Variants in GALNT17 observed in about 807,000 individuals in gnomAD.
GALNT17 encodes polypeptide N-acetylgalactosaminyltransferase 17.
In GALNT17, 29 loss-of-function variants were observed where a neutral mutation model predicts 63.7. The observed-to-expected ratio is 0.46, with a 90% CI of 0.34 to 0.62. The LOEUF (loss-of-function observed/expected upper bound fraction) is 0.62, where lower values mean the gene tolerates loss of function less well. Ranked by LOEUF, GALNT17 falls within the 20% of genes least tolerant of loss-of-function variation. The pLI, the probability that GALNT17 is intolerant of heterozygous loss-of-function variation, is 0.01. For missense variants in GALNT17, 603 were observed against 799.6 expected (o/e 0.75, Z 2.97); for synonymous variants, 305 against 318.3 (o/e 0.96, Z 0.45).
chr7:71,411,093 G>A (rs1000208922), intron 3 of GALNT17, among the ~76,000 whole-genome samples: 4 of 152,112 alleles, frequency 2.6e-5, no homozygotes, highest in African/African-American at 9.7e-5. Context: ...TGTTAAGGAT[G>A]ATAAAGGATC....
chr7:71,482,506 T>C (rs1265224503), intron 5 of GALNT17, among the ~76,000 whole-genome samples: 1 of 152,086 alleles, frequency 6.6e-6, no homozygotes, highest in Non-Finnish European at 1.5e-5. Context: ...GAGCAAACAT[T>C]ATAGAGTGCA....
intron 2 of GALNT17, among the ~76,000 whole-genome samples, chr7:71,366,121 T>C (rs994784928): frequency 3.9e-5 from 6 of 152,068 alleles, no homozygotes; most frequent in African/African-American, 1.4e-4. Context: ...AGGAGGCAGA[T>C]CTCAGGTGGT....
intron 5 of GALNT17, among the ~76,000 whole-genome samples, chr7:71,503,193 A>G (rs551891824): frequency 6.7e-6 from 1 of 149,452 alleles, no homozygotes; most frequent in South Asian, 2.1e-4. Flanking sequence ...TCCCTAGGCA[A>G]TTCCCTACAC....
rs559457751 is a variant in GALNT17, at chr7:71,246,185, G to A, written c.239-89365G>A. Among the ~76,000 whole-genome samples the A allele has an allele frequency of 5.0e-5, 7 of 140,290 alleles. No individual in the cohort carries two copies. The South Asian group carries it at 1.2e-3, about 23-fold the overall frequency. 92.0% of individuals were successfully genotyped at this position (140,290 alleles called of 152,430 possible). A position where few individuals can be genotyped will look rare whatever the true frequency, so the allele number is the denominator to read the frequency against. On this transcript the variant is annotated intron_variant, in intron 1 of 10. Transcript: ENST00000333538. ...CACTTAGGCTGGAGTGCAATGGCGC[G>A]ATCTCTGCTCACTGCAACCTCCACC...
intron 5 of GALNT17, among the ~76,000 whole-genome samples, chr7:71,423,092 G>C (rs1382853285): frequency 6.6e-5 from 10 of 152,180 alleles, no homozygotes. Context: ...TTGTGTCTGT[G>C]CCCACTGTGG....
At chr7:71,586,481 TA>T (rs1225519429) in intron 6 of GALNT17, among the ~76,000 whole-genome samples, 1 of 152,254 alleles carries the variant, frequency 6.6e-6, no homozygotes, top group Non-Finnish European at 1.5e-5. Flanking sequence ...AGCATTCATA[TA>T]AAAGTCTTTT....
chr7:71,251,512 C>T (rs1790197231), intron 1 of GALNT17, among the ~76,000 whole-genome samples: 1 of 152,046 alleles, frequency 6.6e-6, no homozygotes, highest in African/African-American at 2.4e-5. Flanking sequence ...TGGGTTCAAG[C>T]AGTCTTCCCA....
At chr7:71,351,389 A>G (rs1563025003) in intron 2 of GALNT17, among the ~76,000 whole-genome samples, 1 of 152,082 alleles carries the variant, frequency 6.6e-6, no homozygotes, top group Non-Finnish European at 1.5e-5. Flanking sequence ...TGGGTTGATA[A>G]TATACCCCCA....
intron 1 of GALNT17, among the ~76,000 whole-genome samples, chr7:71,242,286 T>TC (rs71089928): frequency 0.27 from 35,289 of 130,710 alleles, 5,616 homozygotes; most frequent in South Asian, 0.56. Context: ...TTTTTTTTTT[T>TC]TGAGACAGAG....
intron 1 of GALNT17, 111 bp downstream of exon 1, chr7:71,133,151 G>A (rs1787718378): frequency 1.1e-6 from 1 of 902,292 alleles, no homozygotes; most frequent in Non-Finnish European, 1.6e-6. Context: ...GCACACCCTG[G>A]CTCCCGCGCG....
At position 71,165,007 on chromosome 7, in the gene GALNT17, G is replaced by A. The variant is rs1263006015; in HGVS notation, c.238+31967G>A. On this transcript the variant is annotated intron_variant, in intron 1 of 10. Transcript: ENST00000333538. The stretch of plus-strand genomic sequence containing the variant: ...AAATCAATAAAATTAACTGGAATTT[G>A]ATTTCACATTTTGAATGCATTACAT... Among the ~76,000 whole-genome samples, 6 of 152,292 alleles carry A rather than the reference G, an allele frequency of 3.9e-5. No individual in the cohort carries two copies. In the East Asian group the frequency reaches 1.2e-3, roughly 29 times the overall value.
chr7:71,472,395 A>G (rs560486271), intron 5 of GALNT17, among the ~76,000 whole-genome samples: 1 of 152,314 alleles, frequency 6.6e-6, no homozygotes, highest in Admixed American at 6.5e-5. Flanking sequence ...TGAGACATTA[A>G]AAGTTATTTA....
intron 1 of GALNT17, among the ~76,000 whole-genome samples, chr7:71,199,728 C>T (rs1349139022): frequency 6.8e-6 from 1 of 146,876 alleles, no homozygotes; most frequent in African/African-American, 2.5e-5. Flanking sequence ...TGTCCACCCA[C>T]CCACCCATGC....
At position 71,413,842 on chromosome 7, in the gene GALNT17, A is replaced by G. The variant is rs555708381; in HGVS notation, c.590-2047A>G. 2.5e-4 allele frequency among the ~76,000 whole-genome samples: 38 copies of G among 152,254 alleles called. 4 individuals carry two copies. The East Asian group carries it at 2.9e-3, about 12-fold the overall frequency. On this transcript the variant is annotated intron_variant, in intron 3 of 10. Transcript: ENST00000333538. ...TTAAACCCTGATCATTGGAGGTGGC[A>G]TCTACCTTGATGTTTCCATACACTG...
intron 6 of GALNT17, among the ~76,000 whole-genome samples, chr7:71,597,015 C>G (rs1789896422): frequency 6.6e-6 from 1 of 151,862 alleles, no homozygotes; most frequent in African/African-American, 2.4e-5. Flanking sequence ...TAGTGAGATC[C>G]CATCTCTACA....
At position 71,161,280 on chromosome 7, in the gene GALNT17, CCT is replaced by C. The variant is rs560656857; in HGVS notation, c.238+28241_238+28242del. ...TTAATTTGATAGATTACAATCACACCCTGTTTTAGTTTTTATTTTCTTGATTG... is the reference window on the plus strand; with the variant it reads ...TTAATTTGATAGATTACAATCACACCGTTTTAGTTTTTATTTTCTTGATTG... On this transcript the variant is annotated intron_variant, in intron 1 of 10. Transcript: ENST00000333538. 2.7e-3 allele frequency among the ~76,000 whole-genome samples: 405 copies of C among 152,038 alleles called. 1 individual carries two copies. The highest frequency in any genetic ancestry group is 9.5e-3 in the African/African-American group (393 of 41,460).
At chr7:71,433,016 G>A (rs1171144483) in intron 5 of GALNT17, among the ~76,000 whole-genome samples, 2 of 152,110 alleles carry the variant, frequency 1.3e-5, no homozygotes, top group East Asian at 1.9e-4. Context: ...TCACCATGTT[G>A]GCCAGGCTGG....
rs1792480039 is a variant in GALNT17, at chr7:71,365,152, C to T, written c.423-23083C>T. 2.0e-5 allele frequency among the ~76,000 whole-genome samples: 3 copies of T among 152,288 alleles called. No individual in the cohort carries two copies. In the South Asian group the frequency reaches 6.2e-4, roughly 32 times the overall value. On this transcript the variant is annotated intron_variant, in intron 2 of 10. Coordinates refer to ENST00000333538, the MANE Select transcript of GALNT17 (RefSeq NM_022479.3). ...TTCACCATGTTGGCCAGGCTGGTCTCACACTCCTGACCTAAAGTGATCTGC... is the reference window on the plus strand; with the variant it reads ...TTCACCATGTTGGCCAGGCTGGTCTTACACTCCTGACCTAAAGTGATCTGC...
intron 6 of GALNT17, among the ~76,000 whole-genome samples, chr7:71,591,411 G>C (rs1789799425): frequency 6.6e-6 from 1 of 152,020 alleles, no homozygotes; most frequent in African/African-American, 2.4e-5. Context: ...GTCCCGAATT[G>C]CTCCCTGCAG....
Sources: gnomAD v4.1 joint callset for allele counts (sites outside exome capture counted in the v4.1 genomes callset) on GRCh38, gnomAD v4.1.1 for gene constraint, MANE v1.5 for transcripts, NCBI Gene and HGNC (gene_info 2026-07-23, HGNC 2026-07-21) for gene names.